CFAP54: variants seen among roughly 807,000 people sequenced by gnomAD.
The protein encoded by CFAP54 is cilia and flagella associated protein 54.
CFAP54 carries 290 observed loss-of-function variants against 370.4 expected under a neutral mutation model. The ratio of observed to expected loss-of-function variants is 0.78; its 90% CI spans 0.71 to 0.86. CFAP54 has a LOEUF of 0.86. Ranked by LOEUF, CFAP54 falls within the 40% of genes least tolerant of loss-of-function variation. The probability of loss-of-function intolerance (pLI) is 0.00; values close to 1 mark genes in which losing one functional copy is unlikely to be tolerated. For missense variants in CFAP54, 3,399 were observed against 3,528.7 expected (o/e 0.96, Z 0.93); for synonymous variants, 1,206 against 1,236.5 (o/e 0.98, Z 0.52).
Position 96,623,837 on chromosome 12 carries a change from A to C in CFAP54, c.3842A>C (p.Gln1281Pro). 6.5e-7 allele frequency: 1 copy of C among 1,535,854 alleles called. No individual in the cohort carries two copies. The highest frequency in any genetic ancestry group is 1.2e-5 in the South Asian group (1 of 84,044). ...CTACTGCCTGAAAAGATAAATGAAC[A>C]GCTGGCCTTGTTGGAGACACACCTA... ...QILLPEKINE[Q>P]LALLETHLLK... Residue 1281 changes from glutamine (Q) to proline (P), a missense_variant, in exon 28 of 68, where the codon CAG (glutamine) becomes CCG (proline). This residue lies in a region of CFAP54 where 2,796 missense variants were observed against 2,869.7 expected (regional missense o/e 0.97). Transcript: ENST00000524981.
Position 96,625,732 on chromosome 12 carries a change from C to T in CFAP54, c.3901C>T (p.Leu1301Phe). Residue 1301 changes from leucine (L) to phenylalanine (F), a missense_variant, in exon 29 of 68, where the codon CTC (leucine) becomes TTC (phenylalanine). Leu to Phe is a conservative substitution (Grantham distance 22). Coordinates refer to ENST00000524981, the MANE Select transcript of CFAP54 (RefSeq NM_001306084.2). ...KLTKQYVTSE[L>F]SGGEDPIFLY... ...TTTAACCTTAGATGTTACATCTGAA[C>T]TCTCAGGAGGAGAGGACCCTATATT... The T allele has an allele frequency of 2.0e-6, 3 of 1,534,264 alleles. No individual in the cohort carries two copies. Among genetic ancestry groups the T allele is most frequent in the Non-Finnish European group, 2.6e-6 (3 of 1,145,972 alleles).
Position 96,650,008 on chromosome 12 carries a change from G to C in CFAP54, c.4808G>C (p.Arg1603Pro). 1 of 1,613,830 alleles carries C rather than the reference G, an allele frequency of 6.2e-7. No individual in the cohort carries two copies. Among genetic ancestry groups the C allele is most frequent in the Non-Finnish European group, 8.5e-7 (1 of 1,179,902 alleles). Residue 1603 changes from arginine to proline, a missense_variant, in exon 35 of 68, where the codon CGA (arginine) becomes CCA (proline). Transcript: ENST00000524981. ...QSGSSAKEKD[R>P]GANLCVMDHF... ...GGTTCTAGTGCTAAAGAAAAGGACC[G>C]AGGAGCAAATTTGTGTGTAATGGAT...
At position 96,718,463 on chromosome 12, in the gene CFAP54, G is replaced by T. The variant is rs1217978611; in HGVS notation, c.6745G>T (p.Gly2249Ter). The change falls in exon 49 of 68, where the codon GGA becomes TGA. Residue 2249 changes from glycine to a stop codon, truncating the protein, a stop_gained. Transcript: ENST00000524981. LOFTEE classifies it high-confidence loss of function. ...NLEEIYSKDD[G>*]SSFYNLTKLK... ...TATAGAGATATATTCAAAGGATGATGGAAGTTCATTTTATAATCTTACAAA... is the reference window on the plus strand; with the variant it reads ...TATAGAGATATATTCAAAGGATGATTGAAGTTCATTTTATAATCTTACAAA... The T allele has an allele frequency of 6.4e-7, 1 of 1,560,586 alleles. No individual in the cohort carries two copies. Among genetic ancestry groups the T allele is most frequent in the Admixed American group, 1.7e-5 (1 of 59,706 alleles).
chr12:96,612,593 C>G (rs1956370749), intron 26 of CFAP54, among the ~76,000 whole-genome samples: 1 of 152,130 alleles, frequency 6.6e-6, no homozygotes, highest in South Asian at 2.1e-4. Context: ...CACAGACTGG[C>G]AAGTTGGATA....
In CFAP54 at chr12:96,657,966, G is replaced by T; in HGVS notation, c.5185G>T (p.Glu1729Ter). 1.2e-6 allele frequency: 2 copies of T among 1,613,374 alleles called. No individual in the cohort carries two copies. The highest frequency in any genetic ancestry group is 2.2e-5 in the South Asian group (2 of 91,038). The change falls in exon 37 of 68, where the codon GAG (glutamate) becomes TAG (stop). Residue 1729 changes from glutamate (E) to a stop codon, truncating the protein, a stop_gained. Coordinates refer to ENST00000524981, the MANE Select transcript of CFAP54 (RefSeq NM_001306084.2). LOFTEE classifies it high-confidence loss of function. The stretch of plus-strand genomic sequence containing the variant: ...CAACGGTGGTTCTAGTCTTACCTTT[G>T]AGCATCCTTTGGATGATGTAAATGT... ...NDNGGSSLTFEHPLDDVNVVD... is the reference protein window; with the variant it reads ...NDNGGSSLTF
At chr12:96,610,352 A>T (rs1260015852) in intron 26 of CFAP54, among the ~76,000 whole-genome samples, 2 of 152,208 alleles carry the variant, frequency 1.3e-5, no homozygotes, top group Non-Finnish European at 2.9e-5. Context: ...ATGGCCTTGG[A>T]GTCAGGGGAC....
intron 3 of CFAP54, among the ~76,000 whole-genome samples, chr12:96,504,835 C>A (rs1955073802): frequency 6.6e-6 from 1 of 152,098 alleles, no homozygotes; most frequent in Non-Finnish European, 1.5e-5. Flanking sequence ...AGGTTGGCAC[C>A]CTGTTAGGGA....
At chr12:96,643,254 A>G (rs1956753875) in intron 32 of CFAP54, among the ~76,000 whole-genome samples, 1 of 152,214 alleles carries the variant, frequency 6.6e-6, no homozygotes, top group African/African-American at 2.4e-5. Flanking sequence ...ATAAACTAAA[A>G]CATATTTAGA....
chr12:96,630,607 C>A lies in CFAP54; in HGVS notation c.4272C>A (p.Phe1424Leu). Reference sequence around the variant, plus strand: ...AAAAAAAGGAAACTCTAAGAGATTTCATTTTTAAAAATCCGGCTATTTCTG... The same window carrying A: ...AAAAAAAGGAAACTCTAAGAGATTTAATTTTTAAAAATCCGGCTATTTCTG... ...RSKKKETLRDFIFKNPAISEM... is the reference protein window; with the variant it reads ...RSKKKETLRDLIFKNPAISEM... Residue 1424 changes from phenylalanine (F) to leucine (L), a missense_variant, in exon 32 of 68, where the codon TTC becomes TTA. Around this residue, in one of 3 missense-constraint regions of CFAP54, gnomAD observed 2,796 missense variants for 2,869.7 expected, o/e 0.97. Transcript: ENST00000524981. The A allele has an allele frequency of 6.6e-7, 1 of 1,508,138 alleles. No individual in the cohort carries two copies. The highest frequency in any genetic ancestry group is 8.8e-7 in the Non-Finnish European group (1 of 1,133,928). 93.4% of individuals were successfully genotyped at this position (1,508,138 alleles called of 1,614,324 possible).
intron 22 of CFAP54, among the ~76,000 whole-genome samples, chr12:96,588,047 C>T (rs918665733): frequency 1.3e-5 from 2 of 152,158 alleles, no homozygotes; most frequent in Non-Finnish European, 2.9e-5. Context: ...GTGCTTAGTC[C>T]AGTACTTGAC....
chr12:96,799,301 A>C (rs1030336429), intron 63 of CFAP54, among the ~76,000 whole-genome samples: 2 of 152,222 alleles, frequency 1.3e-5, no homozygotes, highest in African/African-American at 4.8e-5. Context: ...TGCTTTGTGT[A>C]AGAAGAGCCT....
At chr12:96,544,331 G>A (rs1280915026) in intron 14 of CFAP54, among the ~76,000 whole-genome samples, 1 of 152,072 alleles carries the variant, frequency 6.6e-6, no homozygotes, top group Non-Finnish European at 1.5e-5. Context: ...CAGCTTTGGA[G>A]CAATAAAAGT....
chr12:96,672,622 C>T (rs892275054), intron 39 of CFAP54, among the ~76,000 whole-genome samples: 2 of 152,142 alleles, frequency 1.3e-5, no homozygotes, highest in Non-Finnish European at 2.9e-5. Flanking sequence ...AATGGGAAGA[C>T]CACCTTCTTA....
At chr12:96,651,368 G>A (rs1956855729) in intron 35 of CFAP54, among the ~76,000 whole-genome samples, 1 of 152,004 alleles carries the variant, frequency 6.6e-6, no homozygotes, top group African/African-American at 2.4e-5. Context: ...CTGTAAATTG[G>A]GTAAAATACT....
chr12:96,859,042 T>C (rs896311452), intron 66 of CFAP54, among the ~76,000 whole-genome samples: 1 of 152,140 alleles, frequency 6.6e-6, no homozygotes, highest in Admixed American at 6.5e-5. Context: ...AGCATGGCAC[T>C]GGTACAAAAA....
Position 96,535,536 on chromosome 12 carries a change from G to A in CFAP54, c.1727G>A (p.Gly576Glu). 5 of 1,535,348 alleles carry A rather than the reference G, an allele frequency of 3.3e-6. No individual in the cohort carries two copies. The highest frequency in any genetic ancestry group is 4.4e-6 in the Non-Finnish European group (5 of 1,146,112). The change falls in exon 12 of 68, where the codon GGA becomes GAA. Residue 576 changes from glycine (G) to glutamate (E), a missense_variant. Physicochemically the swap from Gly to Glu is moderately conservative, Grantham distance 98 (BLOSUM62 -2). Around this residue, in one of 3 missense-constraint regions of CFAP54, gnomAD observed 2,796 missense variants for 2,869.7 expected, o/e 0.97. Coordinates refer to ENST00000524981, the MANE Select transcript of CFAP54 (RefSeq NM_001306084.2). ...TTAGATACTTGTTTGAAGACTTGTG[G>A]ATATTCAGAGGATATTTTCCATTTG... The part of the protein sequence containing the change: ...AVHDTCLKTC[G>E]YSEDIFHLAA...
At position 96,676,393 on chromosome 12, in the gene CFAP54, G is replaced by A. The variant is rs566260295; in HGVS notation, c.5564-3207G>A. Reference sequence around the variant, plus strand: ...GCTTCCAGCTTTCCTCCTTTCATTTGCTTGCTGTTATGGGCTGAATATTTG... The same window carrying A: ...GCTTCCAGCTTTCCTCCTTTCATTTACTTGCTGTTATGGGCTGAATATTTG... On this transcript the variant is annotated intron_variant, in intron 39 of 67. Coordinates refer to ENST00000524981, the MANE Select transcript of CFAP54 (RefSeq NM_001306084.2). Among the ~76,000 whole-genome samples the A allele has an allele frequency of 1.2e-3, 176 of 152,120 alleles. 2 individuals are homozygous for A. The highest frequency in any genetic ancestry group is 3.9e-3 in the African/African-American group (163 of 41,496).
At chr12:96,828,711 G>C (rs529278851) in intron 65 of CFAP54, among the ~76,000 whole-genome samples, 1 of 152,066 alleles carries the variant, frequency 6.6e-6, no homozygotes, top group East Asian at 1.9e-4. Context: ...CTTCTCTGCT[G>C]CAAGCCCTTT....
chr12:96,734,581 G>A (rs573414687), intron 50 of CFAP54, among the ~76,000 whole-genome samples: 25 of 152,014 alleles, frequency 1.6e-4, no homozygotes, highest in Non-Finnish European at 3.2e-4. Flanking sequence ...CTGCTTTATA[G>A]ATAATGAGAT....
Sources: allele counts gnomAD v4.1 joint callset (sites outside exome capture counted in the v4.1 genomes callset), GRCh38; gene constraint gnomAD v4.1.1; regional missense constraint gnomAD v4.1.1; transcripts MANE v1.5; gene names NCBI Gene and HGNC (gene_info 2026-07-23, HGNC 2026-07-21).